GALNTL6: variants seen among roughly 807,000 people sequenced by gnomAD.
The protein encoded by GALNTL6 is polypeptide N-acetylgalactosaminyltransferase like 6, also known as polypeptide N-acetylgalactosaminyltransferase-like 6.
A neutral mutation model predicts 73.7 loss-of-function variants in GALNTL6; 46 were observed. The ratio of observed to expected loss-of-function variants is 0.62; its 90% CI spans 0.49 to 0.80. GALNTL6 has a LOEUF of 0.80. GALNTL6 is among the 30% of genes least tolerant of loss of function. GALNTL6 has a pLI of 0.00. For synonymous variants in GALNTL6, 259 were observed against 263.7 expected (o/e 0.98, Z 0.17); for missense variants, 604 against 755.0 (o/e 0.80, Z 2.34).
chr4:171,953,653 T>A (rs901435020), intron 2 of GALNTL6, among the ~76,000 whole-genome samples: 13 of 152,122 alleles, frequency 8.5e-5, no homozygotes, highest in Admixed American at 7.2e-4. Context: ...AGAAATAGAA[T>A]TTGCAGCTTT....
At chr4:171,974,051 G>A (rs1739647025) in intron 2 of GALNTL6, among the ~76,000 whole-genome samples, 2 of 152,028 alleles carry the variant, frequency 1.3e-5, no homozygotes, top group Non-Finnish European at 2.9e-5. Context: ...CCAGGCTGGA[G>A]TGCAGTGGCG....
chr4:172,872,969 G>A (rs544638965), intron 7 of GALNTL6, among the ~76,000 whole-genome samples: 2 of 152,294 alleles, frequency 1.3e-5, no homozygotes, highest in South Asian at 2.1e-4. Context: ...GTGCTCTGGT[G>A]TTGTCACCCT....
intron 2 of GALNTL6, among the ~76,000 whole-genome samples, chr4:171,841,972 G>T (rs1223716915): frequency 6.6e-6 from 1 of 151,952 alleles, no homozygotes; most frequent in African/African-American, 2.4e-5. Context: ...ATGAAAGTAT[G>T]TATATTTCAT....
intron 4 of GALNTL6, among the ~76,000 whole-genome samples, chr4:172,321,882 A>C (rs1740768648): frequency 6.6e-6 from 1 of 152,188 alleles, no homozygotes; most frequent in African/African-American, 2.4e-5. Flanking sequence ...CACTAGGGAA[A>C]GGCAGTCTTC....
intron 5 of GALNTL6, among the ~76,000 whole-genome samples, chr4:172,750,363 T>G (rs188033695): frequency 1.7e-4 from 26 of 152,330 alleles, no homozygotes; most frequent in African/African-American, 6.3e-4. Context: ...TTATTTCTCT[T>G]AAATCAACGA....
chr4:172,083,496 T>C (rs74526686), intron 2 of GALNTL6, among the ~76,000 whole-genome samples: 2,231 of 152,356 alleles, frequency 0.015, 47 homozygotes, highest in African/African-American at 0.05. Flanking sequence ...AAGAATGTTC[T>C]TGGCCCAGGG....
At chr4:171,920,217 C>T (rs1033955291) in intron 2 of GALNTL6, among the ~76,000 whole-genome samples, 5 of 151,258 alleles carry the variant, frequency 3.3e-5, no homozygotes, top group East Asian at 1.9e-4. Flanking sequence ...CATCACACAC[C>T]GGGGCCTGTT....
intron 5 of GALNTL6, among the ~76,000 whole-genome samples, chr4:172,718,063 C>T (rs1735218008): frequency 6.6e-6 from 1 of 152,124 alleles, no homozygotes; most frequent in Non-Finnish European, 1.5e-5. Flanking sequence ...TGTTTACTTA[C>T]ACTGGAAACT....
chr4:172,374,669 T>C (rs1380411325), intron 5 of GALNTL6, among the ~76,000 whole-genome samples: 1 of 152,192 alleles, frequency 6.6e-6, no homozygotes, highest in Non-Finnish European at 1.5e-5. Context: ...TTAGTGGGGA[T>C]CCATACTGGG....
At chr4:172,385,707 TC>T (rs1250600135) in intron 5 of GALNTL6, among the ~76,000 whole-genome samples, 1 of 152,116 alleles carries the variant, frequency 6.6e-6, no homozygotes, top group Non-Finnish European at 1.5e-5. Flanking sequence ...AATCCATTCT[TC>T]CAATGTCTTC....
At chr4:172,446,072 G>A (rs1254058736) in intron 5 of GALNTL6, among the ~76,000 whole-genome samples, 1 of 151,942 alleles carries the variant, frequency 6.6e-6, no homozygotes, top group Non-Finnish European at 1.5e-5. Flanking sequence ...AAAAACAAAA[G>A]CAGCAGGTGT....
At chr4:172,976,341 T>C (rs1750811335) in intron 10 of GALNTL6, among the ~76,000 whole-genome samples, 1 of 152,198 alleles carries the variant, frequency 6.6e-6, no homozygotes, top group South Asian at 2.1e-4. Flanking sequence ...ATAAAATAGA[T>C]TTTTAAATTA....
rs1195273267 is a variant in GALNTL6, at chr4:172,592,714, A to ATCTATCTATCTG, written c.554-216645_554-216644insTATCTATCTGTC. 2.4e-3 allele frequency among the ~76,000 whole-genome samples: 372 copies of ATCTATCTATCTG among 151,964 alleles called. 1 individual carries two copies. Among genetic ancestry groups the ATCTATCTATCTG allele is most frequent in the Non-Finnish European group, 4.5e-3 (304 of 67,948 alleles). ...TATCTATCTATCTATCTATCTATCTATCGAGAGAGACTATGAGAGGATCCT... is the reference window on the plus strand; with the variant it reads ...TATCTATCTATCTATCTATCTATCTATCTATCTATCTGTCGAGAGAGACTATGAGAGGATCCT... On this transcript the variant is annotated intron_variant, in intron 5 of 12. Transcript: ENST00000506823.
chr4:173,010,030 T>G (rs1032342818), intron 11 of GALNTL6, among the ~76,000 whole-genome samples: 5 of 152,226 alleles, frequency 3.3e-5, no homozygotes, highest in African/African-American at 1.2e-4. Flanking sequence ...TTACTTATTT[T>G]GAAATGTACA....
intron 5 of GALNTL6, among the ~76,000 whole-genome samples, chr4:172,722,296 A>C (rs1343490098): frequency 6.6e-6 from 1 of 152,214 alleles, no homozygotes; most frequent in Non-Finnish European, 1.5e-5. Context: ...ACTTGTATGC[A>C]ATCTGAAATA....
intron 5 of GALNTL6, among the ~76,000 whole-genome samples, chr4:172,791,085 A>C (rs1366832144): frequency 1.3e-5 from 2 of 152,148 alleles, no homozygotes; most frequent in African/African-American, 4.8e-5. Flanking sequence ...TCCAGAGAAA[A>C]TGCTGCATTG....
chr4:172,587,152 TC>T (rs1737443584), intron 5 of GALNTL6, among the ~76,000 whole-genome samples: 1 of 151,966 alleles, frequency 6.6e-6, no homozygotes, highest in South Asian at 2.1e-4. Context: ...AAATGTACGA[TC>T]CCCTGTTCAC....
Position 172,726,675 on chromosome 4 carries a change from G to T in GALNTL6, c.554-82686G>T, listed in dbSNP as rs369486494. Among the ~76,000 whole-genome samples, 15 of 152,174 alleles carry T rather than the reference G, an allele frequency of 9.9e-5. 1 individual carries two copies. The East Asian group carries it at 2.3e-3, about 23-fold the overall frequency. ...AATAGGAAAGTTCTTGACACATAGG[G>T]ATGAAAATAATGGAAGCTTATCATG... On this transcript the variant is annotated intron_variant, in intron 5 of 12. Transcript: ENST00000506823.
At chr4:172,574,208 A>C (rs1030851542) in intron 5 of GALNTL6, among the ~76,000 whole-genome samples, 1 of 152,176 alleles carries the variant, frequency 6.6e-6, no homozygotes, top group Non-Finnish European at 1.5e-5. Flanking sequence ...AAGTGATTGC[A>C]GAAGAAAAAC....
Sources: allele counts gnomAD v4.1 joint callset (sites outside exome capture counted in the v4.1 genomes callset), GRCh38; gene constraint gnomAD v4.1.1; transcripts MANE v1.5; gene names NCBI Gene and HGNC (gene_info 2026-07-23, HGNC 2026-07-21).